Variants in CHLSN observed in about 807,000 individuals in gnomAD.
The protein encoded by CHLSN is cholesin.
chr7:1,103,453 T>C, the CHLSN span, among the ~76,000 whole-genome samples: 1 of 152,158 alleles, frequency 6.6e-6, no homozygotes, highest in East Asian at 1.9e-4. Flanking sequence ...CACAGTCCTC[T>C]TGGAGGTGTA....
the CHLSN span, among the ~76,000 whole-genome samples, chr7:1,041,039 G>A: frequency 2.6e-5 from 4 of 152,240 alleles, no homozygotes; most frequent in African/African-American, 7.2e-5. Context: ...CACCTCCCAC[G>A]TTCCCTGTGG....
the CHLSN span, among the ~76,000 whole-genome samples, chr7:1,135,457 A>C: frequency 6.6e-6 from 1 of 152,028 alleles, no homozygotes; most frequent in Non-Finnish European, 1.5e-5. Context: ...ACATATATCT[A>C]CATGTGTGTA....
chr7:1,006,494 C>CACA, the CHLSN span, among the ~76,000 whole-genome samples: 1 of 141,524 alleles, frequency 7.1e-6, no homozygotes, highest in Non-Finnish European at 1.5e-5. Flanking sequence ...ACGGCCACAG[C>CACA]GCAGGGAAAG....
chr7:1,014,734 A>G, the CHLSN span, among the ~76,000 whole-genome samples: 1 of 152,258 alleles, frequency 6.6e-6, no homozygotes, highest in African/African-American at 2.4e-5. Flanking sequence ...CTAAGTGATG[A>G]CTGTGAACAC....
the CHLSN span, among the ~76,000 whole-genome samples, chr7:999,989 A>ACACGTGTAGACACACGTCATGCACACACG: frequency 2.0e-5 from 3 of 152,190 alleles, no homozygotes; most frequent in African/African-American, 7.2e-5. Flanking sequence ...TCACGCGCAC[A>ACACGTGTAGACACACGTCATGCACACACG]CACGTGTAGA....
the CHLSN span, among the ~76,000 whole-genome samples, chr7:1,108,231 C>CG: frequency 1.0e-4 from 2 of 19,050 alleles, 1 homozygote; most frequent in African/African-American, 9.7e-4. Context: ...TCCCGCACCC[C>CG]GGGGGGGAAG....
chr7:1,135,383 G>C, the CHLSN span, among the ~76,000 whole-genome samples: 1 of 151,772 alleles, frequency 6.6e-6, no homozygotes, highest in Non-Finnish European at 1.5e-5. Context: ...TCATATATGT[G>C]TACCTAGACA....
the CHLSN span, among the ~76,000 whole-genome samples, chr7:1,129,847 T>G: frequency 6.6e-6 from 1 of 152,344 alleles, no homozygotes; most frequent in African/African-American, 2.4e-5. Flanking sequence ...GCGTTTAAGA[T>G]TAAGAGAAAT....
the CHLSN span, among the ~76,000 whole-genome samples, chr7:998,553 T>A: frequency 6.8e-6 from 1 of 147,898 alleles, no homozygotes; most frequent in African/African-American, 2.5e-5. Flanking sequence ...CAAGTAATTC[T>A]CCTGCCTCAG....
the CHLSN span, among the ~76,000 whole-genome samples, chr7:1,008,347 G>A: frequency 6.6e-6 from 1 of 152,236 alleles, no homozygotes; most frequent in African/African-American, 2.4e-5. Flanking sequence ...TGCCTGCAGA[G>A]AAGCAGGAGC....
chr7:983,246 T>A, the CHLSN span: 1 of 1,532,926 alleles, frequency 6.5e-7, no homozygotes. Context: ...CTGGGCCTCC[T>A]GGGGCTCTGG....
chr7:1,008,846 C>CACACGTAA, the CHLSN span, among the ~76,000 whole-genome samples: 5 of 148,748 alleles, frequency 3.4e-5, no homozygotes, highest in African/African-American at 7.8e-5. Context: ...TACACACGCA[C>CACACGTAA]ACACGTAAAC....
the CHLSN span, among the ~76,000 whole-genome samples, chr7:1,120,907 T>G: frequency 6.6e-6 from 1 of 151,744 alleles, no homozygotes; most frequent in Admixed American, 6.6e-5. Flanking sequence ...AGGCGGCCCA[T>G]GAACTATTAG....
the CHLSN span, among the ~76,000 whole-genome samples, chr7:1,103,180 G>A: frequency 6.6e-6 from 1 of 152,220 alleles, no homozygotes; most frequent in Non-Finnish European, 1.5e-5. Context: ...AGGCCACAGG[G>A]AAAGGCGTTT....
the CHLSN span, among the ~76,000 whole-genome samples, chr7:991,752 G>T: frequency 6.6e-6 from 1 of 152,210 alleles, no homozygotes; most frequent in Non-Finnish European, 1.5e-5. Context: ...ATGTTGAAGT[G>T]CACAGTTCAG....
the CHLSN span, among the ~76,000 whole-genome samples, chr7:1,135,772 AATATAT>A: frequency 2.1e-5 from 2 of 97,374 alleles, no homozygotes; most frequent in African/African-American, 5.0e-5. Context: ...CTCAAAAAGA[AATATAT>A]ATATATATAT....
the CHLSN span, among the ~76,000 whole-genome samples, chr7:1,004,342 C>A: frequency 1.3e-5 from 2 of 152,148 alleles, no homozygotes; most frequent in Non-Finnish European, 2.9e-5. Flanking sequence ...CTGCTTTCCA[C>A]CAGCCTGTTT....
chr7:1,018,845 C>T, the CHLSN span, among the ~76,000 whole-genome samples: 1,756 of 152,170 alleles, frequency 0.012, 33 homozygotes, highest in African/African-American at 0.039. Context: ...GTGATAGGCT[C>T]GTCCAGCTGG....
At chr7:1,118,542 T>C in the CHLSN span, among the ~76,000 whole-genome samples, 1 of 152,082 alleles carries the variant, frequency 6.6e-6, no homozygotes. Flanking sequence ...ACCATAAAAC[T>C]TTCCTGAATG....
Sources: allele counts gnomAD v4.1 joint callset (sites outside exome capture counted in the v4.1 genomes callset), GRCh38; gene constraint gnomAD v4.1.1; transcripts MANE v1.5; gene names NCBI Gene and HGNC (gene_info 2026-07-23, HGNC 2026-07-21).